The following HAT1 variants were observed in gnomAD, a reference collection of about 807,000 sequenced individuals.
The protein encoded by HAT1 is histone acetyltransferase 1.
In HAT1, 20 loss-of-function variants were observed where a neutral mutation model predicts 56.6. That is an observed-to-expected ratio of 0.35 (90% CI 0.25 to 0.51). The LOEUF is 0.51. HAT1 is among the 20% of genes least tolerant of loss of function. The pLI is 0.95. For synonymous variants in HAT1, 146 were observed against 165.5 expected, an observed-to-expected ratio of 0.88 and a Z score of 0.91; for missense variants, 408 against 504.3, an observed-to-expected ratio of 0.81 and a Z score of 1.83.
chr2:171,939,642 CAGGTGTG>C (rs1178767115), intron 2 of HAT1, among the ~76,000 whole-genome samples: 2 of 152,112 alleles, frequency 1.3e-5, no homozygotes, highest in African/African-American at 4.8e-5. Context: ...GCAATGTGAA[CAGGTGTG>C]AGGTAAGGGC....
rs1032767549 is a variant in HAT1, at chr2:171,965,394, C to T, written c.366C>T (p.Asn122=). ...RQIIPPGFCT[N]TNDFLSLLEK... ...TCATTCCACCTGGATTTTGCACAAA[C>T]ACGAATGATTTCCTTTCTTTACTGG... The change falls in exon 5 of 11, where the codon AAC becomes AAT. Residue 122 remains asparagine (N), a synonymous_variant. Coordinates refer to ENST00000264108, the MANE Select transcript of HAT1 (RefSeq NM_003642.4). The T allele has an allele frequency of 6.2e-7, 1 of 1,611,624 alleles. No individual in the cohort carries two copies. The highest frequency in any genetic ancestry group is 1.3e-5 in the African/African-American group (1 of 74,858).
chr2:171,944,659 T>A (rs1687112473), intron 2 of HAT1, among the ~76,000 whole-genome samples: 1 of 152,208 alleles, frequency 6.6e-6, no homozygotes, highest in African/African-American at 2.4e-5. Flanking sequence ...TGACTGTACT[T>A]CATATTGCAT....
intron 3 of HAT1, among the ~76,000 whole-genome samples, chr2:171,949,768 G>T (rs1177390787): frequency 1.3e-5 from 2 of 151,930 alleles, no homozygotes; most frequent in Non-Finnish European, 2.9e-5. Flanking sequence ...TCCTCCAAGT[G>T]CTGGGATTAC....
At chr2:171,964,451 T>G (rs954414673) in intron 4 of HAT1, among the ~76,000 whole-genome samples, 2 of 152,166 alleles carry the variant, frequency 1.3e-5, no homozygotes, top group African/African-American at 4.8e-5. Context: ...TTTTGTTGAA[T>G]GTAATGTCAG....
intron 3 of HAT1, among the ~76,000 whole-genome samples, chr2:171,949,208 C>CT (rs1208206164): frequency 6.6e-6 from 1 of 151,348 alleles, no homozygotes; most frequent in East Asian, 1.9e-4. Flanking sequence ...CTCAGGGATG[C>CT]TTTTTTTTGT....
intron 8 of HAT1, among the ~76,000 whole-genome samples, chr2:171,974,008 C>T (rs1197328078): frequency 6.6e-6 from 1 of 151,464 alleles, no homozygotes; most frequent in Non-Finnish European, 1.5e-5. Flanking sequence ...GATGAAATCC[C>T]ATCTCTACAA....
At chr2:171,928,730 C>T (rs943117920) in intron 2 of HAT1, among the ~76,000 whole-genome samples, 7 of 152,132 alleles carry the variant, frequency 4.6e-5, no homozygotes, top group Non-Finnish European at 2.9e-5. Context: ...AGGCTGGTCT[C>T]GAACTCCTGG....
intron 2 of HAT1, among the ~76,000 whole-genome samples, chr2:171,931,460 C>T (rs981028089): frequency 1.3e-5 from 2 of 152,054 alleles, no homozygotes; most frequent in Admixed American, 6.6e-5. Context: ...GAGGCTGAGG[C>T]AAGAGTTCGA....
At chr2:171,948,979 T>A (rs759567243) in intron 3 of HAT1, among the ~76,000 whole-genome samples, 3 of 152,166 alleles carry the variant, frequency 2.0e-5, no homozygotes, top group Non-Finnish European at 4.4e-5. Context: ...ATAAGTAGTT[T>A]GTAGGGAGAT....
chr2:171,931,047 C>T (rs866888385), intron 2 of HAT1, among the ~76,000 whole-genome samples: 2 of 152,068 alleles, frequency 1.3e-5, no homozygotes, highest in Non-Finnish European at 2.9e-5. Context: ...TTTGGTTCCA[C>T]GATCCCCCGT....
At chr2:171,938,187 A>G (rs762193357) in intron 2 of HAT1, among the ~76,000 whole-genome samples, 8 of 152,058 alleles carry the variant, frequency 5.3e-5, no homozygotes, top group Admixed American at 1.3e-4. Flanking sequence ...AGGCTAGAGG[A>G]GTTCAAAACC....
intron 4 of HAT1, among the ~76,000 whole-genome samples, chr2:171,960,916 C>T (rs1166239296): frequency 6.6e-6 from 1 of 151,922 alleles, no homozygotes; most frequent in African/African-American, 2.4e-5. Context: ...CCGAGGTGGA[C>T]AGGTCACTTG....
In HAT1 at chr2:171,952,820, G is replaced by T. The variant is rs1458742675; in HGVS notation, c.189-61G>T. ...TGAAGTTAAACTTGTTTATATGTAG[G>T]GTTAATACTTTTTAATGACTGCAAA... On this transcript the variant is annotated intron_variant, in intron 3 of 10. Transcript: ENST00000264108. The T allele has an allele frequency of 1.1e-5, 13 of 1,148,556 alleles. No homozygotes were observed. In the South Asian group the frequency reaches 1.6e-4, roughly 14 times the overall value. The allele number at this position is 1,148,556 out of a possible 1,614,324, so 71.1% of individuals were successfully genotyped here. A position where few individuals can be genotyped will look rare whatever the true frequency, so the allele number is the denominator to read the frequency against.
intron 8 of HAT1, among the ~76,000 whole-genome samples, chr2:171,969,727 A>T (rs1169454982): frequency 2.0e-5 from 3 of 152,144 alleles, no homozygotes; most frequent in Non-Finnish European, 2.9e-5. Flanking sequence ...AAAACTGGAA[A>T]TTTTTTTGCA....
Position 171,976,678 on chromosome 2 carries a change from C to T in HAT1, c.975+370C>T, listed in dbSNP as rs150816756. ...TGGGAAGAATGGTTGAAGTAAAACA[C>T]GTATTTCATTTTATATACTTTTATA... On this transcript the variant is annotated intron_variant, in intron 9 of 10. Transcript: ENST00000264108. Among the ~76,000 whole-genome samples, 510 of 152,200 alleles carry T rather than the reference C, an allele frequency of 3.4e-3. 2 individuals are homozygous for T. The highest frequency in any genetic ancestry group is 0.011 in the African/African-American group (459 of 41,532).
intron 2 of HAT1, among the ~76,000 whole-genome samples, chr2:171,934,337 A>G (rs1686813315): frequency 6.6e-6 from 1 of 152,188 alleles, no homozygotes; most frequent in Admixed American, 6.5e-5. Flanking sequence ...TATCCTTGAC[A>G]ATGTAAGAGG....
At chr2:171,943,511 T>C (rs1447330575) in intron 2 of HAT1, among the ~76,000 whole-genome samples, 1 of 149,848 alleles carries the variant, frequency 6.7e-6, no homozygotes, top group Non-Finnish European at 1.5e-5. Context: ...TGCCTAAGCC[T>C]CTTTTTTTTC....
chr2:171,974,364 A>C (rs1292083329), intron 8 of HAT1, among the ~76,000 whole-genome samples: 2 of 151,892 alleles, frequency 1.3e-5, no homozygotes, highest in African/African-American at 4.8e-5. Context: ...TAATTTCTTA[A>C]TTTTGTTTTT....
At chr2:171,957,418 G>A (rs1687474255) in intron 4 of HAT1, among the ~76,000 whole-genome samples, 2 of 152,140 alleles carry the variant, frequency 1.3e-5, no homozygotes, top group African/African-American at 4.8e-5. Context: ...GTTGTCCTAT[G>A]CCTGTCCTAC....
Sources: gnomAD v4.1 joint callset for allele counts (sites outside exome capture counted in the v4.1 genomes callset) on GRCh38, gnomAD v4.1.1 for gene constraint, MANE v1.5 for transcripts, NCBI Gene and HGNC (gene_info 2026-07-23, HGNC 2026-07-21) for gene names.